ZNF644: variants seen among roughly 807,000 people sequenced by gnomAD.
The protein encoded by ZNF644 is zinc finger motif enhancer binding protein 2.
ZNF644 carries 20 observed loss-of-function variants against 108.0 expected under a neutral mutation model. The ratio of observed to expected loss-of-function variants is 0.19; its 90% confidence interval spans 0.13 to 0.27. The LOEUF (loss-of-function observed/expected upper bound fraction) is 0.27. ZNF644 is among the 10% of genes least tolerant of loss of function. ZNF644 has a pLI of 1.00. For missense variants in ZNF644, 1,338 were observed against 1,548.9 expected (o/e 0.86, Z 2.29); for synonymous variants, 542 against 539.1 (o/e 1.01, Z -0.08).
intron 1 of ZNF644, among the ~76,000 whole-genome samples, chr1:91,017,213 C>T (rs1242493039): frequency 6.6e-6 from 1 of 152,166 alleles, no homozygotes; most frequent in Non-Finnish European, 1.5e-5. Context: ...TAAAATCTGC[C>T]TTCATCACTC....
At chr1:90,933,869 T>A (rs1408123560) in intron 4 of ZNF644, among the ~76,000 whole-genome samples, 1 of 152,202 alleles carries the variant, frequency 6.6e-6, no homozygotes, top group Non-Finnish European at 1.5e-5. Context: ...TGTGTAAGTT[T>A]GAGCAAATTA....
At chr1:90,945,184 AAAC>A (rs1438271257) in intron 2 of ZNF644, among the ~76,000 whole-genome samples, 6 of 152,130 alleles carry the variant, frequency 3.9e-5, no homozygotes. Flanking sequence ...TAAGATAAAT[AAAC>A]TGATGTTTGG....
In ZNF644 at chr1:90,938,423, C is replaced by T. The variant is rs1307199562; in HGVS notation, c.2931G>A (p.Gly977=). The T allele has an allele frequency of 1.2e-6, 2 of 1,613,826 alleles. No individual in the cohort carries two copies. The highest frequency in any genetic ancestry group is 1.7e-6 in the Non-Finnish European group (2 of 1,179,922). The change falls in exon 3 of 6, where the codon GGG becomes GGA. Residue 977 remains glycine, a synonymous_variant. Transcript: ENST00000337393. The surrounding 1 kb of genome is among the most constrained non-coding windows in gnomAD (Gnocchi z 4.2). ...GATGCCCCCTGACATGATTTGATAA[C>T]CCAACACCTGTTTCAAATGTTGCTG... ...YCPATFETGV[G]LSNHVRGHLH...
chr1:90,964,096 T>C (rs1202164669), intron 2 of ZNF644, among the ~76,000 whole-genome samples: 1 of 152,162 alleles, frequency 6.6e-6, no homozygotes, highest in Admixed American at 6.5e-5. Context: ...AGATCCTTTA[T>C]CTAATTAAAT....
chr1:91,000,818 A>C (rs564842783), intron 1 of ZNF644, among the ~76,000 whole-genome samples: 108 of 152,272 alleles, frequency 7.1e-4, no homozygotes, highest in African/African-American at 2.5e-3. Flanking sequence ...AGAGAGAAGA[A>C]TCAAATAGAC....
chr1:90,934,431 G>C (rs760374859), intron 4 of ZNF644, among the ~76,000 whole-genome samples: 9 of 152,130 alleles, frequency 5.9e-5, no homozygotes, highest in Non-Finnish European at 1.2e-4. Flanking sequence ...TGATTGGAAA[G>C]AATTTTAGGC....
At chr1:90,948,759 T>C (rs1206485261) in intron 2 of ZNF644, among the ~76,000 whole-genome samples, 1 of 152,194 alleles carries the variant, frequency 6.6e-6, no homozygotes, top group Non-Finnish European at 1.5e-5. Flanking sequence ...GTATTTCATT[T>C]TTGGGAAAAG....
chr1:90,993,517 T>C (rs545329604), intron 1 of ZNF644, among the ~76,000 whole-genome samples: 1 of 152,308 alleles, frequency 6.6e-6, no homozygotes, highest in Admixed American at 6.5e-5. Context: ...TCAAAGTAAT[T>C]TGTTACACAA....
At chr1:90,926,308 G>C (rs937497726) in intron 4 of ZNF644, among the ~76,000 whole-genome samples, 2 of 152,178 alleles carry the variant, frequency 1.3e-5, no homozygotes, top group Non-Finnish European at 2.9e-5. Flanking sequence ...GTAACATGGA[G>C]TGTGCACACT....
At chr1:90,952,161 GC>G (rs1169786025) in intron 2 of ZNF644, among the ~76,000 whole-genome samples, 2 of 152,110 alleles carry the variant, frequency 1.3e-5, no homozygotes, top group Non-Finnish European at 2.9e-5. Flanking sequence ...TTAAAATGAA[GC>G]CATTTTTACT....
chr1:91,010,944 A>C (rs748342213), intron 1 of ZNF644, among the ~76,000 whole-genome samples: 31 of 152,198 alleles, frequency 2.0e-4, no homozygotes, highest in Non-Finnish European at 4.0e-4. Flanking sequence ...TTGTCAAAAC[A>C]ACATGTAAAC....
At chr1:90,993,806 T>C (rs533326345) in intron 1 of ZNF644, among the ~76,000 whole-genome samples, 12 of 152,348 alleles carry the variant, frequency 7.9e-5, no homozygotes, top group Non-Finnish European at 7.3e-5. Context: ...ATATTGTTCC[T>C]AGACAACTTT....
At chr1:91,004,169 T>C (rs1405811195) in intron 1 of ZNF644, among the ~76,000 whole-genome samples, 3 of 151,798 alleles carry the variant, frequency 2.0e-5, no homozygotes, top group South Asian at 2.1e-4. Flanking sequence ...TGACTAAAAA[T>C]TCCCCCAGTT....
intron 2 of ZNF644, among the ~76,000 whole-genome samples, chr1:90,954,808 T>C (rs1310950843): frequency 6.6e-6 from 1 of 152,186 alleles, no homozygotes; most frequent in Non-Finnish European, 1.5e-5. Flanking sequence ...TACATGAGGG[T>C]TGAAATCGAC....
chr1:90,924,911 C>T (rs1649853654), intron 4 of ZNF644, among the ~76,000 whole-genome samples: 1 of 152,070 alleles, frequency 6.6e-6, no homozygotes, highest in African/African-American at 2.4e-5. Context: ...AACTACCTAC[C>T]AATAAGCCAT....
At chr1:91,008,952 G>C (rs921259765) in intron 1 of ZNF644, among the ~76,000 whole-genome samples, 10 of 152,240 alleles carry the variant, frequency 6.6e-5, no homozygotes, top group Admixed American at 5.2e-4. Flanking sequence ...AGAATTAAAA[G>C]AAAAGGCTGG....
In ZNF644 at chr1:90,938,168, A is replaced by G; in HGVS notation, c.3083-78T>C. 6.2e-7 allele frequency: 1 copy of G among 1,606,300 alleles called. No individual in the cohort carries two copies. Among genetic ancestry groups the G allele is most frequent in the Non-Finnish European group, 8.5e-7 (1 of 1,174,982 alleles). ...CCCTAAAATGAGTTAATTCTGAAAC[A>G]TAAAATTATGATTCTAATAAAGACT... is the stretch of plus-strand genomic sequence containing the variant. On this transcript the variant is annotated intron_variant, in intron 3 of 5. Coordinates refer to ENST00000337393, the MANE Select transcript of ZNF644 (RefSeq NM_201269.3). This position sits in a 1 kb window ranked among gnomAD's most constrained non-coding sequence, Gnocchi z 4.2.
intron 4 of ZNF644, among the ~76,000 whole-genome samples, chr1:90,921,144 T>C (rs1373861926): frequency 6.6e-6 from 1 of 152,098 alleles, no homozygotes; most frequent in East Asian, 1.9e-4. Flanking sequence ...AACATGTCTG[T>C]TATACCAATA....
At chr1:90,996,578 T>A (rs12760614) in intron 1 of ZNF644, among the ~76,000 whole-genome samples, 2 of 152,092 alleles carry the variant, frequency 1.3e-5, no homozygotes, top group Non-Finnish European at 2.9e-5. Context: ...TGAGTCCAAG[T>A]GCTTGGAACC....
Sources: gnomAD v4.1 joint callset for allele counts (sites outside exome capture counted in the v4.1 genomes callset) on GRCh38, gnomAD v4.1.1 for gene constraint, Gnocchi (gnomAD v3.1) non-coding constraint, MANE v1.5 for transcripts, NCBI Gene and HGNC (gene_info 2026-07-23, HGNC 2026-07-21) for gene names.